Variants in MAP2K5 observed in about 807,000 individuals in gnomAD.
The protein encoded by MAP2K5 is dual specificity mitogen-activated protein kinase kinase 5.
Under a neutral mutation model 83.1 loss-of-function variants are expected in MAP2K5, and 49 were observed. The observed-to-expected ratio is 0.59, with a 90% CI of 0.47 to 0.75. MAP2K5 has a LOEUF of 0.75. MAP2K5 is among the 30% of genes least tolerant of loss of function. The pLI, the probability that MAP2K5 is intolerant of heterozygous loss-of-function variation, is 0.00. For missense variants in MAP2K5, 457 were observed against 557.5 expected (o/e 0.82, Z 1.82); for synonymous variants, 202 against 191.8 (o/e 1.05, Z -0.44).
intron 17 of MAP2K5, among the ~76,000 whole-genome samples, chr15:67,731,012 A>G (rs2089207612): frequency 6.6e-6 from 1 of 152,346 alleles, no homozygotes; most frequent in South Asian, 2.1e-4. Flanking sequence ...AAATGAGACT[A>G]TGGATATGAA....
Position 67,746,451 on chromosome 15 carries a change from G to T in MAP2K5, c.1075-1780G>T, listed in dbSNP as rs1007782994. Among the ~76,000 whole-genome samples the T allele has an allele frequency of 1.3e-5, 2 of 151,234 alleles. No individual in the cohort carries two copies. The highest frequency in any genetic ancestry group is 4.9e-5 in the African/African-American group (2 of 41,062). On this transcript the variant is annotated intron_variant, in intron 17 of 21. Coordinates refer to ENST00000178640, the MANE Select transcript of MAP2K5 (RefSeq NM_145160.3). The surrounding 1 kb of genome is among the most constrained non-coding windows in gnomAD (Gnocchi z 4.1). ...GTAGGGGTGGGGGGAGTATCAGTGTGTGCTTGAAAAAAAAATAAAAGCAAA... is the reference window on the plus strand; with the variant it reads ...GTAGGGGTGGGGGGAGTATCAGTGTTTGCTTGAAAAAAAAATAAAAGCAAA...
At chr15:67,773,554 G>A (rs763733118) in intron 21 of MAP2K5, among the ~76,000 whole-genome samples, 10 of 151,962 alleles carry the variant, frequency 6.6e-5, no homozygotes, top group Non-Finnish European at 7.4e-5. Flanking sequence ...AGAGGTTTTC[G>A]TCCTTTGTAT....
intron 16 of MAP2K5, among the ~76,000 whole-genome samples, chr15:67,715,898 G>A (rs1387788215): frequency 2.0e-5 from 3 of 152,178 alleles, no homozygotes; most frequent in Admixed American, 2.0e-4. Context: ...GAAATCATTT[G>A]CCTTTAGAGG....
rs1392465248 is a variant in MAP2K5 at position 67,749,565 on chromosome 15, A to G, written c.1134+964A>G. ...ATGAAATTTGGGAGAAAAAATAAAG[A>G]TCCTCCTAGGAAAAAAATAAACACA... is the stretch of plus-strand genomic sequence containing the variant. On this transcript the variant is annotated intron_variant, in intron 19 of 21. Coordinates refer to ENST00000178640, the MANE Select transcript of MAP2K5 (RefSeq NM_145160.3). The surrounding 1 kb of genome is among the most constrained non-coding windows in gnomAD (Gnocchi z 4.6). Among the ~76,000 whole-genome samples, 1 of 152,232 alleles carries G rather than the reference A, an allele frequency of 6.6e-6. No homozygotes were observed. The highest frequency in any genetic ancestry group is 2.4e-5 in the African/African-American group (1 of 41,466).
At chr15:67,655,633 C>G (rs2141135754) in intron 11 of MAP2K5, among the ~76,000 whole-genome samples, 1 of 152,142 alleles carries the variant, frequency 6.6e-6, no homozygotes, top group Middle Eastern at 3.4e-3. Context: ...TTGCTGCTTT[C>G]AAGATTTTCT....
intron 13 of MAP2K5, among the ~76,000 whole-genome samples, chr15:67,687,942 T>A (rs190681709): frequency 1.3e-5 from 2 of 152,010 alleles, no homozygotes; most frequent in East Asian, 3.9e-4. Flanking sequence ...GAGGTAAATG[T>A]TAAGAAGAAC....
intron 9 of MAP2K5, among the ~76,000 whole-genome samples, chr15:67,641,929 T>A (rs1335506015): frequency 6.6e-6 from 1 of 152,144 alleles, no homozygotes; most frequent in African/African-American, 2.4e-5. Context: ...CCACCCAGAG[T>A]GCCAAGTCTC....
At chr15:67,804,818 A>C (rs930402542) in intron 21 of MAP2K5, among the ~76,000 whole-genome samples, 1 of 152,184 alleles carries the variant, frequency 6.6e-6, no homozygotes, top group Non-Finnish European at 1.5e-5. Flanking sequence ...GGAAGTGTGC[A>C]CGCTTGGACT....
At chr15:67,709,649 A>G (rs1196418540) in intron 16 of MAP2K5, among the ~76,000 whole-genome samples, 2 of 152,216 alleles carry the variant, frequency 1.3e-5, no homozygotes, top group African/African-American at 4.8e-5. Context: ...AGAATGGCTT[A>G]AGGAGAAAGT....
intron 8 of MAP2K5, among the ~76,000 whole-genome samples, chr15:67,621,228 C>T (rs192475130): frequency 1.1e-4 from 17 of 151,882 alleles, no homozygotes; most frequent in African/African-American, 3.9e-4. Context: ...CAAATATTTA[C>T]AACTGAACCA....
chr15:67,564,835 A>G (rs542580328), intron 3 of MAP2K5, among the ~76,000 whole-genome samples: 76 of 152,356 alleles, frequency 5.0e-4, no homozygotes, highest in African/African-American at 1.7e-3. Context: ...ACTGACATCA[A>G]TATACTTTCA....
At chr15:67,732,350 T>G (rs963766183) in intron 17 of MAP2K5, among the ~76,000 whole-genome samples, 1 of 152,210 alleles carries the variant, frequency 6.6e-6, no homozygotes, top group African/African-American at 2.4e-5. Context: ...TGCATTAGGA[T>G]GATAGCAAAT....
At chr15:67,692,405 C>A in intron 13 of MAP2K5, 74 bp from the exon 14 acceptor site, 12 of 948,856 alleles carry the variant, frequency 1.3e-5, no homozygotes, top group Non-Finnish European at 1.9e-5. Flanking sequence ...GTGTGGTGTG[C>A]ATGTGTGCTT....
chr15:67,560,198 C>T (rs186148732), intron 2 of MAP2K5, among the ~76,000 whole-genome samples: 28 of 152,340 alleles, frequency 1.8e-4, no homozygotes, highest in African/African-American at 6.7e-4. Context: ...GAGAGAAGTG[C>T]ATTTTTGCTT....
rs985658698 is a variant in MAP2K5, at chr15:67,561,113, C to T, written c.185-2170C>T. Among the ~76,000 whole-genome samples the T allele has an allele frequency of 2.0e-5, 3 of 152,086 alleles. No individual in the cohort carries two copies. Among genetic ancestry groups the T allele is most frequent in the Admixed American group, 6.6e-5 (1 of 15,264 alleles). On this transcript the variant is annotated intron_variant, in intron 2 of 21. Transcript: ENST00000178640. This position sits in a 1 kb window ranked among gnomAD's most constrained non-coding sequence, Gnocchi z 4.2. Reference sequence around the variant, plus strand: ...TTTTAAAAAAACTACTTTATTCAGGCTGGAATTTGTTTTTATGCCAAGTTC... The same window carrying T: ...TTTTAAAAAAACTACTTTATTCAGGTTGGAATTTGTTTTTATGCCAAGTTC...
Position 67,786,685 on chromosome 15 carries a change from C to T in MAP2K5, c.1242+13933C>T, listed in dbSNP as rs1233194006. 1.3e-5 allele frequency among the ~76,000 whole-genome samples: 2 copies of T among 152,184 alleles called. No individual in the cohort carries two copies. Among genetic ancestry groups the T allele is most frequent in the Non-Finnish European group, 2.9e-5 (2 of 68,034 alleles). On this transcript the variant is annotated intron_variant, in intron 21 of 21. Coordinates refer to ENST00000178640, the MANE Select transcript of MAP2K5 (RefSeq NM_145160.3). This position sits in a 1 kb window ranked among gnomAD's most constrained non-coding sequence, Gnocchi z 4.7. ...CAACAGAAAGCCAGCTTCTCCCCTC[C>T]CTCTCCCTTCCTCTCCTAGCTGTCC...
chr15:67,719,635 T>C lies in MAP2K5; in HGVS notation c.1045-8281T>C, dbSNP rs1482565426. Reference sequence around the variant, plus strand: ...GTCTACAAAATTGTGGGTAGAGTCTTCTAGGATTAACTCCTGACAGAAGAG... The same window carrying C: ...GTCTACAAAATTGTGGGTAGAGTCTCCTAGGATTAACTCCTGACAGAAGAG... On this transcript the variant is annotated intron_variant, in intron 16 of 21. Transcript: ENST00000178640. The surrounding 1 kb of genome is among the most constrained non-coding windows in gnomAD (Gnocchi z 4.6). 3.3e-5 allele frequency among the ~76,000 whole-genome samples: 5 copies of C among 152,128 alleles called. No individual in the cohort carries two copies. The highest frequency in any genetic ancestry group is 6.5e-5 in the Admixed American group (1 of 15,270).
chr15:67,704,354 T>G (rs1369851226), intron 16 of MAP2K5, among the ~76,000 whole-genome samples: 1 of 152,224 alleles, frequency 6.6e-6, no homozygotes, highest in African/African-American at 2.4e-5. Context: ...CTTCCCAAAG[T>G]GCTGGGATTG....
rs1322557942 is a variant in MAP2K5, at chr15:67,801,516, C to T, written c.1243-5130C>T. 6.6e-6 allele frequency among the ~76,000 whole-genome samples: 1 copy of T among 152,200 alleles called. No homozygotes were observed. Among genetic ancestry groups the T allele is most frequent in the Admixed American group, 6.5e-5 (1 of 15,282 alleles). ...GAGCAGCCACAGCTTATGGAGCCATCTCCCCAGAGAGACACCACCAGTAGG... is the reference window on the plus strand; with the variant it reads ...GAGCAGCCACAGCTTATGGAGCCATTTCCCCAGAGAGACACCACCAGTAGG... On this transcript the variant is annotated intron_variant, in intron 21 of 21. Transcript: ENST00000178640. This position sits in a 1 kb window ranked among gnomAD's most constrained non-coding sequence, Gnocchi z 4.8.
Sources: allele counts gnomAD v4.1 joint callset (sites outside exome capture counted in the v4.1 genomes callset), GRCh38; gene constraint gnomAD v4.1.1; non-coding constraint Gnocchi (gnomAD v3.1); transcripts MANE v1.5; gene names NCBI Gene and HGNC (gene_info 2026-07-23, HGNC 2026-07-21).